KDM4C: variants seen among roughly 807,000 people sequenced by gnomAD.
The protein encoded by KDM4C is lysine demethylase 4C.
In KDM4C, 81 loss-of-function variants were observed where a neutral mutation model predicts 129.3. The ratio of observed to expected loss-of-function variants is 0.63; its 90% CI spans 0.52 to 0.75. The LOEUF (loss-of-function observed/expected upper bound fraction) is 0.75, where lower values mean the gene tolerates loss of function less well. KDM4C is among the 30% of genes least tolerant of loss of function. KDM4C has a pLI of 0.00. For missense variants in KDM4C, 1,457 were observed against 1,304.0 expected (o/e 1.12, Z -1.81); for synonymous variants, 573 against 456.1 (o/e 1.26, Z -3.26).
rs148390098 is a variant in KDM4C, at chr9:6,803,325, C to T, written c.145-2274C>T. ...CGGTGGCTCATGCTTGTAATCCCAA[C>T]ACTTTGGGAGGCAGAGGTGGTCGGA... is the stretch of plus-strand genomic sequence containing the variant. On this transcript the variant is annotated intron_variant, in intron 2 of 21. Coordinates refer to ENST00000381309, the MANE Select transcript of KDM4C (RefSeq NM_015061.6). Among the ~76,000 whole-genome samples, 558 of 152,232 alleles carry T rather than the reference C, an allele frequency of 3.7e-3. 5 individuals are homozygous for T. The highest frequency in any genetic ancestry group is 0.013 in the African/African-American group (525 of 41,532).
intron 2 of KDM4C, among the ~76,000 whole-genome samples, chr9:6,797,639 C>T (rs1446248177): frequency 6.6e-6 from 1 of 152,130 alleles, no homozygotes; most frequent in East Asian, 1.9e-4. Context: ...ATAGATTGTC[C>T]TGGACTGTAG....
At chr9:6,821,754 C>T (rs1227856830) in intron 4 of KDM4C, among the ~76,000 whole-genome samples, 2 of 152,054 alleles carry the variant, frequency 1.3e-5, no homozygotes, top group Non-Finnish European at 2.9e-5. Context: ...CCTGCCTTAG[C>T]CTCCCGAGTA....
intron 8 of KDM4C, among the ~76,000 whole-genome samples, chr9:6,943,529 G>T (rs1826338300): frequency 6.6e-6 from 1 of 152,082 alleles, no homozygotes; most frequent in African/African-American, 2.4e-5. Flanking sequence ...GGTAACGTTA[G>T]CTGAGCATGG....
chr9:7,110,793 C>G (rs965448995), intron 18 of KDM4C, among the ~76,000 whole-genome samples: 1 of 152,102 alleles, frequency 6.6e-6, no homozygotes, highest in Non-Finnish European at 1.5e-5. Context: ...ATTTTTAAAC[C>G]GACCTGAAAC....
At chr9:6,780,912 A>G (rs1824202233) in intron 1 of KDM4C, among the ~76,000 whole-genome samples, 1 of 151,884 alleles carries the variant, frequency 6.6e-6, no homozygotes, top group Non-Finnish European at 1.5e-5. Flanking sequence ...TATGCCTATG[A>G]TGATTCAGTC....
At chr9:6,818,056 C>T (rs1487886629) in intron 4 of KDM4C, among the ~76,000 whole-genome samples, 1 of 152,156 alleles carries the variant, frequency 6.6e-6, no homozygotes, top group African/African-American at 2.4e-5. Context: ...TGAGCCACCG[C>T]ACCCTGCCCA....
At position 6,752,073 on chromosome 9, in the gene KDM4C, C is replaced by T. The variant is rs537561615; in HGVS notation, c.49+31076C>T. Reference sequence around the variant, plus strand: ...GGATGGCCGGGCGCGGTGGCTCACGCCTGTAATCCCAGCACTTTGGGAGGC... The same window carrying T: ...GGATGGCCGGGCGCGGTGGCTCACGTCTGTAATCCCAGCACTTTGGGAGGC... On this transcript the variant is annotated intron_variant, in intron 1 of 17. Coordinates refer to the KDM4C transcript ENST00000536108. 4.0e-5 allele frequency among the ~76,000 whole-genome samples: 6 copies of T among 150,634 alleles called. No homozygotes were observed. The South Asian group carries it at 1.2e-3, about 31-fold the overall frequency.
chr9:7,128,145 G>T lies in KDM4C; in HGVS notation c.2690G>T (p.Cys897Phe). ...TKHRNTRYYS[C>F]RVMAVTSQTF... ...CATCGGAACACCCGGTATTACAGTT[G>T]CAGAGTGATGGCTGTGACATCGCAG... The change falls in exon 19 of 22, where the codon TGC becomes TTC. Residue 897 changes from cysteine (C) to phenylalanine (F), a missense_variant. Physicochemically the swap from Cys to Phe is radical, Grantham distance 205. Transcript: ENST00000381309. The T allele has an allele frequency of 6.2e-7, 1 of 1,613,270 alleles. No individual in the cohort carries two copies. The highest frequency in any genetic ancestry group is 2.2e-5 in the East Asian group (1 of 44,832).
intron 15 of KDM4C, among the ~76,000 whole-genome samples, chr9:7,034,957 T>C (rs1827375209): frequency 6.6e-6 from 1 of 152,206 alleles, no homozygotes; most frequent in African/African-American, 2.4e-5. Context: ...TTGTTTTCCA[T>C]TTGTATGTAT....
chr9:7,011,718 A>G lies in KDM4C; in HGVS notation c.1807A>G (p.Ile603Val), dbSNP rs760432212. The stretch of plus-strand genomic sequence containing the variant: ...TTAAGAATTGCCTGAGGTTCTGTCC[A>G]TTGAGGAGGAAGTGGAAGAAACAGA... ...SDEELPEVLS[I>V]EEEVEETESW... Residue 603 changes from isoleucine (I) to valine (V), a missense_variant, in exon 13 of 22, where the codon ATT becomes GTT. Coordinates refer to ENST00000381309, the MANE Select transcript of KDM4C (RefSeq NM_015061.6). 2.5e-6 allele frequency: 4 copies of G among 1,613,976 alleles called. No homozygotes were observed. The African/African-American group carries it at 4.0e-5, about 16-fold the overall frequency.
At chr9:6,798,240 C>G (rs966624904) in intron 2 of KDM4C, among the ~76,000 whole-genome samples, 3 of 132,278 alleles carry the variant, frequency 2.3e-5, no homozygotes, top group African/African-American at 8.8e-5. Context: ...CAAGCAACTT[C>G]CTTTTTTCTT....
intron 17 of KDM4C, among the ~76,000 whole-genome samples, chr9:7,095,299 C>T (rs1478786411): frequency 6.6e-6 from 1 of 152,230 alleles, no homozygotes; most frequent in African/African-American, 2.4e-5. Context: ...CAGCAAACCA[C>T]AGCTGCAACC....
At chr9:6,994,597 C>T (rs1819359497) in intron 12 of KDM4C, among the ~76,000 whole-genome samples, 1 of 152,168 alleles carries the variant, frequency 6.6e-6, no homozygotes, top group Non-Finnish European at 1.5e-5. Flanking sequence ...ATCATGGTAG[C>T]TTAAATCACT....
intron 8 of KDM4C, among the ~76,000 whole-genome samples, chr9:6,966,719 C>T (rs1046121716): frequency 2.0e-5 from 3 of 151,994 alleles, no homozygotes; most frequent in Non-Finnish European, 4.4e-5. Flanking sequence ...TCCAACCATC[C>T]AGTAGGGAAA....
intron 15 of KDM4C, among the ~76,000 whole-genome samples, chr9:7,039,560 G>T (rs1250979706): frequency 6.6e-6 from 1 of 151,834 alleles, no homozygotes; most frequent in African/African-American, 2.4e-5. Context: ...ATATAACTTT[G>T]GACTCCCCCA....
At chr9:6,735,374 T>C (rs1439759946) in intron 1 of KDM4C, among the ~76,000 whole-genome samples, 1 of 152,230 alleles carries the variant, frequency 6.6e-6, no homozygotes, top group Non-Finnish European at 1.5e-5. Flanking sequence ...CAATTAAATC[T>C]CTCAGCTTTG....
In KDM4C at chr9:6,802,591, A is replaced by C. The variant is rs147476646; in HGVS notation, c.145-3008A>C. On this transcript the variant is annotated intron_variant, in intron 2 of 21. Transcript: ENST00000381309. The stretch of plus-strand genomic sequence containing the variant: ...AATACTGAGTAGGAATGAAAATCAA[A>C]GAACTTCAGCTACATAGGCTGTTAC... Among the ~76,000 whole-genome samples the C allele has an allele frequency of 3.7e-3, 558 of 152,340 alleles. 5 individuals are homozygous for C. The highest frequency in any genetic ancestry group is 0.013 in the African/African-American group (525 of 41,580).
chr9:7,068,105 C>G (rs1832695264), intron 17 of KDM4C, among the ~76,000 whole-genome samples: 1 of 152,114 alleles, frequency 6.6e-6, no homozygotes, highest in African/African-American at 2.4e-5. Context: ...TGATTTTTGA[C>G]TTTTTTCTAT....
rs781283427 is a variant in KDM4C at position 6,793,042 on chromosome 9, C to G, written c.54C>G (p.Thr18=). 6 of 1,614,136 alleles carry G rather than the reference C, an allele frequency of 3.7e-6. No individual in the cohort carries two copies. In the Admixed American group the frequency reaches 5.0e-5, roughly 13 times the overall value. Residue 18 remains threonine (T), a synonymous_variant, in exon 2 of 22, where the codon ACC becomes ACG. Coordinates refer to ENST00000381309, the MANE Select transcript of KDM4C (RefSeq NM_015061.6). ...TGAACCCCAGCTGTAAGATAATGAC[C>G]TTCAGACCCTCCATGGAGGAGTTCC... ...SPLNPSCKIM[T]FRPSMEEFRE... is the part of the protein sequence containing the mutation.
Sources: gnomAD v4.1 joint callset for allele counts (sites outside exome capture counted in the v4.1 genomes callset) on GRCh38, gnomAD v4.1.1 for gene constraint, MANE v1.5 for transcripts, NCBI Gene and HGNC (gene_info 2026-07-23, HGNC 2026-07-21) for gene names.